The following RBMS3 variants were observed in gnomAD, a reference collection of about 807,000 sequenced individuals.
RBMS3 encodes the protein RNA-binding motif, single-stranded-interacting protein 3.
RBMS3 carries 27 observed loss-of-function variants against 66.8 expected under a neutral mutation model. The ratio of observed to expected loss-of-function variants is 0.40; its 90% confidence interval spans 0.30 to 0.56. RBMS3 has a LOEUF of 0.56. Ranked by LOEUF, RBMS3 falls within the 20% of genes least tolerant of loss-of-function variation. RBMS3 has a pLI of 0.40. For synonymous variants in RBMS3, 188 were observed against 183.0 expected (o/e 1.03, Z -0.22); for missense variants, 513 against 549.5 (o/e 0.93, Z 0.66).
chr3:29,384,902 C>T (rs1034636367), intron 1 of RBMS3, among the ~76,000 whole-genome samples: 2 of 152,178 alleles, frequency 1.3e-5, no homozygotes, highest in South Asian at 2.1e-4. Flanking sequence ...TATTAACATA[C>T]GTTTCTTGTC....
At chr3:29,565,815 G>C (rs896751202) in intron 3 of RBMS3, among the ~76,000 whole-genome samples, 1 of 152,088 alleles carries the variant, frequency 6.6e-6, no homozygotes, top group Admixed American at 6.6e-5. Context: ...ACATCTTCCA[G>C]GTCTCTCTTG....
chr3:29,291,409 A>G (rs2032801126), intron 1 of RBMS3, among the ~76,000 whole-genome samples: 1 of 151,942 alleles, frequency 6.6e-6, no homozygotes. Flanking sequence ...TGGCTAAAAT[A>G]TTTCAAAAGC....
intron 5 of RBMS3, among the ~76,000 whole-genome samples, chr3:29,743,920 A>G (rs1822089): frequency 0.5 from 57,441 of 114,454 alleles, 13,778 homozygotes; most frequent in Middle Eastern, 0.66. Context: ...AACAGTCCCC[A>G]GAGTGTGATG....
At chr3:29,996,988 T>C (rs1699286792) in intron 14 of RBMS3, among the ~76,000 whole-genome samples, 1 of 151,944 alleles carries the variant, frequency 6.6e-6, no homozygotes, top group Admixed American at 6.6e-5. Context: ...AGCTGGTTTT[T>C]TGAAAAGATC....
chr3:29,372,029 C>A (rs137976903), intron 1 of RBMS3, among the ~76,000 whole-genome samples: 1 of 152,090 alleles, frequency 6.6e-6, no homozygotes, highest in Non-Finnish European at 1.5e-5. Context: ...CACAGAACAA[C>A]AAGCATAGCC....
rs925685108 is a variant in RBMS3, at chr3:29,995,125, T to G, written c.1307+3916T>G. On this transcript the variant is annotated intron_variant, in intron 14 of 14. Coordinates refer to ENST00000383767, the MANE Select transcript of RBMS3 (RefSeq NM_001003793.3). ...CAAGGCTCAAGAACTACGTGAAGAA[T>G]GCAGAAGCCTCAGGAGCCGATGCGA... 6.6e-3 allele frequency among the ~76,000 whole-genome samples: 1,003 copies of G among 152,162 alleles called. 15 individuals are homozygous for G. Among genetic ancestry groups the G allele is most frequent in the African/African-American group, 0.023 (942 of 41,508 alleles).
At chr3:29,649,575 AATC>A (rs1391894446) in intron 4 of RBMS3, among the ~76,000 whole-genome samples, 3 of 152,146 alleles carry the variant, frequency 2.0e-5, no homozygotes, top group Non-Finnish European at 4.4e-5. Flanking sequence ...TGCTTATTAT[AATC>A]ATATGTGGGA....
intron 1 of RBMS3, among the ~76,000 whole-genome samples, chr3:29,429,836 C>T (rs1242477825): frequency 3.3e-5 from 5 of 152,136 alleles, no homozygotes; most frequent in African/African-American, 1.2e-4. Context: ...AATCCCAAAT[C>T]CCTCTAAAGA....
chr3:29,665,618 T>G (rs1025686631), intron 4 of RBMS3, among the ~76,000 whole-genome samples: 1 of 152,194 alleles, frequency 6.6e-6, no homozygotes, highest in Non-Finnish European at 1.5e-5. Context: ...TCTAAGTAAG[T>G]CAGCATTTAA....
Position 29,522,124 on chromosome 3 carries a change from T to C in RBMS3, c.307+33625T>C, listed in dbSNP as rs180769220. On this transcript the variant is annotated intron_variant, in intron 3 of 14. Coordinates refer to ENST00000383767, the MANE Select transcript of RBMS3 (RefSeq NM_001003793.3). ...GATTGTTTGCACAGAGAGGAAAATCTAAGAAGCTAAACAGTCTAGAGGAGC... is the reference window on the plus strand; with the variant it reads ...GATTGTTTGCACAGAGAGGAAAATCCAAGAAGCTAAACAGTCTAGAGGAGC... Among the ~76,000 whole-genome samples the C allele has an allele frequency of 2.9e-3, 446 of 152,278 alleles. 1 individual carries two copies. Among genetic ancestry groups the C allele is most frequent in the African/African-American group, 9.7e-3 (405 of 41,560 alleles).
intron 12 of RBMS3, among the ~76,000 whole-genome samples, chr3:29,979,967 G>A (rs1697869547): frequency 6.6e-6 from 1 of 152,086 alleles, no homozygotes; most frequent in Non-Finnish European, 1.5e-5. Flanking sequence ...GGGATTGCTG[G>A]GTCAAATTGT....
chr3:29,293,679 C>T (rs2033006712), intron 1 of RBMS3, among the ~76,000 whole-genome samples: 1 of 151,682 alleles, frequency 6.6e-6, no homozygotes, highest in Admixed American at 6.6e-5. Flanking sequence ...CTCCATCTCC[C>T]TGTCTTTCCC....
At chr3:29,435,872 G>A (rs968988269) in intron 2 of RBMS3, among the ~76,000 whole-genome samples, 37 of 145,538 alleles carry the variant, frequency 2.5e-4, no homozygotes, top group African/African-American at 9.0e-4. Context: ...CTACTCAGGA[G>A]GCTGAGGCAG....
At chr3:29,794,074 C>T (rs1321411100) in intron 6 of RBMS3, among the ~76,000 whole-genome samples, 1 of 152,188 alleles carries the variant, frequency 6.6e-6, no homozygotes, top group African/African-American at 2.4e-5. Flanking sequence ...CTGAGGCCCT[C>T]ACCAGAAGCA....
intron 7 of RBMS3, among the ~76,000 whole-genome samples, chr3:29,877,704 G>C (rs2059640353): frequency 6.6e-6 from 1 of 152,118 alleles, no homozygotes; most frequent in African/African-American, 2.4e-5. Context: ...GCCTCTCCTG[G>C]TAGAAACAAA....
intron 3 of RBMS3, among the ~76,000 whole-genome samples, chr3:29,495,669 C>T (rs141642055): frequency 1.1e-4 from 17 of 152,090 alleles, no homozygotes; most frequent in African/African-American, 3.4e-4. Context: ...CCACTTGCCT[C>T]GGCCTCCCAA....
chr3:29,369,303 GAAATA>G (rs2038067312), intron 1 of RBMS3, among the ~76,000 whole-genome samples: 1 of 151,994 alleles, frequency 6.6e-6, no homozygotes, highest in African/African-American at 2.4e-5. Context: ...ATGTATGCCT[GAAATA>G]AAATAAATTT....
intron 12 of RBMS3, among the ~76,000 whole-genome samples, chr3:29,969,511 T>C (rs779656717): frequency 2.0e-5 from 3 of 152,220 alleles, no homozygotes; most frequent in Non-Finnish European, 4.4e-5. Flanking sequence ...CAAATCTATG[T>C]CCTCTCTATC....
chr3:29,622,274 A>T (rs1241367539), intron 4 of RBMS3, among the ~76,000 whole-genome samples: 1 of 152,206 alleles, frequency 6.6e-6, no homozygotes, highest in African/African-American at 2.4e-5. Context: ...CCAAATAAAT[A>T]TAATATAATT....
Sources: allele counts gnomAD v4.1 joint callset (sites outside exome capture counted in the v4.1 genomes callset), GRCh38; gene constraint gnomAD v4.1.1; transcripts MANE v1.5; gene names NCBI Gene and HGNC (gene_info 2026-07-23, HGNC 2026-07-21).